Variants in ELAC2 observed in about 807,000 individuals in gnomAD.
ELAC2 encodes elaC ribonuclease Z 2, also known as zinc phosphodiesterase ELAC protein 2.
ELAC2 carries 92 observed loss-of-function variants against 105.2 expected under a neutral mutation model. The ratio of observed to expected loss-of-function variants is 0.87; its 90% CI spans 0.74 to 1.04. The LOEUF (loss-of-function observed/expected upper bound fraction) is 1.04. Among genes scored for constraint, ELAC2 ranks in the 50% least tolerant of loss-of-function variants. The pLI is 0.00. For synonymous variants in ELAC2, 468 were observed against 409.1 expected, an observed-to-expected ratio of 1.14 and a Z score of -1.74; for missense variants, 1,099 against 1,071.7, an observed-to-expected ratio of 1.03 and a Z score of -0.36.
intron 17 of ELAC2, 167 bp from the exon 18 acceptor site, chr17:12,996,145 C>T (rs1243420366): frequency 1.3e-6 from 1 of 787,346 alleles, no homozygotes; most frequent in Non-Finnish European, 2.1e-6. Flanking sequence ...GCGCCATGGC[C>T]CTGAAATGTC....
At chr17:13,010,317 T>A (rs547915512) in intron 8 of ELAC2, among the ~76,000 whole-genome samples, 1 of 152,242 alleles carries the variant, frequency 6.6e-6, no homozygotes, top group East Asian at 1.9e-4. Flanking sequence ...ATTACAGGCA[T>A]GCGCCACCAC....
chr17:13,008,046 C>A (rs2041206778), intron 8 of ELAC2, among the ~76,000 whole-genome samples: 1 of 151,852 alleles, frequency 6.6e-6, no homozygotes, highest in Admixed American at 6.6e-5. Flanking sequence ...ACTAACAATA[C>A]AAAAATTAGC....
rs540987222 is a variant in ELAC2 at position 12,999,847 on chromosome 17, C to T, written c.1423+309G>A. On this transcript the variant is annotated intron_variant, in intron 15 of 23. Coordinates refer to ENST00000338034, the MANE Select transcript of ELAC2 (RefSeq NM_018127.7). ...CTAATTTTTGTATTTTTAGTAGAGA[C>T]GGGGTTTCATCATGTTAGCCAGGAT... Among the ~76,000 whole-genome samples, 4 of 152,216 alleles carry T rather than the reference C, an allele frequency of 2.6e-5. No homozygotes were observed. The South Asian group carries it at 8.3e-4, about 32-fold the overall frequency.
intron 8 of ELAC2, among the ~76,000 whole-genome samples, chr17:13,008,249 C>T (rs2041218350): frequency 1.3e-5 from 2 of 151,882 alleles, no homozygotes; most frequent in African/African-American, 4.8e-5. Flanking sequence ...TGATGGCTCA[C>T]GCCTGTAATC....
At chr17:12,994,641 CTG>C in intron 21 of ELAC2, 121 bp downstream of exon 21, 1 of 1,603,070 alleles carries the variant, frequency 6.2e-7, no homozygotes, top group Non-Finnish European at 8.5e-7. Flanking sequence ...ACCAGAGACT[CTG>C]AGGGTGGGGA....
In ELAC2 at chr17:12,996,534, G is replaced by A. The variant is rs1278379923; in HGVS notation, c.1659+13C>T. 1 of 1,613,606 alleles carries A rather than the reference G, an allele frequency of 6.2e-7. No homozygotes were observed. The highest frequency in any genetic ancestry group is 8.5e-7 in the Non-Finnish European group (1 of 1,179,948). On this transcript the variant is annotated intron_variant, in intron 17 of 23. Transcript: ENST00000338034. ...CTCCAGGCTCCAGCTTTGTGGTCCA[G>A]CCCAACACTCACCGTGTGGTGATCT...
intron 22 of ELAC2, 82 bp from the exon 23 acceptor site, chr17:12,993,913 C>T: frequency 1.3e-6 from 2 of 1,599,700 alleles, no homozygotes; most frequent in Non-Finnish European, 1.7e-6. Flanking sequence ...CCCTGGCCAT[C>T]AACTGCCAGG....
rs1376868233 is a variant in ELAC2 at position 12,995,966 on chromosome 17, T to C, written c.1672A>G (p.Ile558Val). Residue 558 changes from isoleucine (I) to valine (V), a missense_variant, in exon 18 of 24, where the codon ATC becomes GTC. Ile to Val is a conservative substitution (Grantham distance 29). Coordinates refer to ENST00000338034, the MANE Select transcript of ELAC2 (RefSeq NM_018127.7). ...HADHHTGLPS[I>V]LLQRERALAS... ...AAGGCGCGTTCTCTCTGCAGCAAGA[T>C]ACTTGGCAAGCCCTGGCAAGGAAAC... 1 of 1,596,608 alleles carries C rather than the reference T, an allele frequency of 6.3e-7. No homozygotes were observed. The highest frequency in any genetic ancestry group is 8.5e-7 in the Non-Finnish European group (1 of 1,170,214).
chr17:13,016,777 C>A, intron 3 of ELAC2, 85 bp downstream of exon 3: 3 of 1,333,180 alleles, frequency 2.3e-6, no homozygotes, highest in Non-Finnish European at 3.2e-6. Flanking sequence ...AGTAGCTGCC[C>A]ACCCCAGACT....
At position 13,003,461 on chromosome 17, in the gene ELAC2, C is replaced by T. The variant is rs550862581; in HGVS notation, c.1079+18G>A. 2 of 1,613,084 alleles carry T rather than the reference C, an allele frequency of 1.2e-6. No homozygotes were observed. Among genetic ancestry groups the T allele is most frequent in the African/African-American group, 2.7e-5 (2 of 75,030 alleles). ...CCCAGAAGAGTTACCCCAAGTGCCG[C>T]TGGGCTGGGCTCCATACCTCTCCAT... On this transcript the variant is annotated intron_variant, in intron 12 of 23. Transcript: ENST00000338034.
intron 7 of ELAC2, among the ~76,000 whole-genome samples, chr17:13,010,946 G>A (rs556644889): frequency 6.6e-6 from 1 of 152,246 alleles, no homozygotes; most frequent in Admixed American, 6.5e-5. Flanking sequence ...TTTCACCTAG[G>A]ACTGGAGAAG....
At chr17:13,003,047 C>T (rs2040909164) in intron 12 of ELAC2, among the ~76,000 whole-genome samples, 1 of 152,194 alleles carries the variant, frequency 6.6e-6, no homozygotes. Context: ...AGTGACTAAA[C>T]ATCTACCTCC....
Position 13,010,695 on chromosome 17 carries a change from T to C in ELAC2, c.680-24A>G, listed in dbSNP as rs772337374. 8 of 1,609,950 alleles carry C rather than the reference T, an allele frequency of 5.0e-6. No homozygotes were observed. The Admixed American group carries it at 5.0e-5, about 10-fold the overall frequency. ...ACCTGAGGAAAAACACACTTGATTA[T>C]CACAAGGTAAATGTGAAAGCTGTGA... is the stretch of plus-strand genomic sequence containing the variant. On this transcript the variant is annotated intron_variant, in intron 7 of 23. Transcript: ENST00000338034.
intron 16 of ELAC2, among the ~76,000 whole-genome samples, chr17:12,997,111 G>C (rs2040515382): frequency 1.3e-5 from 2 of 152,158 alleles, no homozygotes; most frequent in African/African-American, 4.8e-5. Context: ...TTCCCCCTTT[G>C]CAAGTGGTCG....
In ELAC2 at chr17:12,998,448, T is replaced by C. The variant is rs770044042; in HGVS notation, c.1484A>G (p.Lys495Arg). ...AAGTGTGGCACTGACATTTCGAATCTTCATCGGGATGGCAGACCCTGTTCC... is the reference window on the plus strand; with the variant it reads ...AAGTGTGGCACTGACATTTCGAATCCTCATCGGGATGGCAGACCCTGTTCC... ...FLGTGSAIPM[K>R]IRNVSATLVN... is the part of the protein sequence containing the mutation. The change falls in exon 16 of 24, where the codon AAG becomes AGG. Residue 495 changes from lysine (K) to arginine (R), a missense_variant. Lys to Arg is a conservative substitution (Grantham distance 26, BLOSUM62 2). Transcript: ENST00000338034. 6.2e-7 allele frequency: 1 copy of C among 1,614,218 alleles called. No homozygotes were observed. The highest frequency in any genetic ancestry group is 2.2e-5 in the East Asian group (1 of 44,886).
At chr17:13,006,053 G>C in intron 8 of ELAC2, 74 bp from the exon 9 acceptor site, 1 of 1,446,430 alleles carries the variant, frequency 6.9e-7, no homozygotes, top group Non-Finnish European at 9.7e-7. Context: ...TTTCTTAGAA[G>C]TGTATTTTTC....
chr17:13,014,837 G>A (rs1365668953), intron 4 of ELAC2, among the ~76,000 whole-genome samples: 1 of 152,246 alleles, frequency 6.6e-6, no homozygotes, highest in East Asian at 1.9e-4. Context: ...AGAAGAGGCA[G>A]TTCTGGAGTA....
chr17:12,995,140 G>A, intron 19 of ELAC2, 78 bp from the exon 20 acceptor site: 1 of 1,398,220 alleles, frequency 7.2e-7, no homozygotes, highest in East Asian at 2.3e-5. Flanking sequence ...TCTTTGGCTG[G>A]AGAACCCCAA....
intron 4 of ELAC2, among the ~76,000 whole-genome samples, chr17:13,014,754 T>C (rs1396602243): frequency 6.6e-6 from 1 of 152,150 alleles, no homozygotes; most frequent in Non-Finnish European, 1.5e-5. Context: ...AGAAACAGCT[T>C]AGTGGCATTA....
Sources: gnomAD v4.1 joint callset for allele counts (sites outside exome capture counted in the v4.1 genomes callset) on GRCh38, gnomAD v4.1.1 for gene constraint, MANE v1.5 for transcripts, NCBI Gene and HGNC (gene_info 2026-07-23, HGNC 2026-07-21) for gene names.